MTMR3: variants seen among roughly 807,000 people sequenced by gnomAD.
The protein encoded by MTMR3 is phosphatidylinositol-3,5-bisphosphate 3-phosphatase MTMR3.
In MTMR3, 32 loss-of-function variants were observed where a neutral mutation model predicts 132.4. The ratio of observed to expected loss-of-function variants is 0.24; its 90% CI spans 0.18 to 0.32. MTMR3 has a LOEUF of 0.32. MTMR3 is among the 10% of genes least tolerant of loss of function. MTMR3 has a pLI of 1.00. For synonymous variants in MTMR3, 556 were observed against 550.3 expected (o/e 1.01, Z -0.14); for missense variants, 1,216 against 1,489.6 (o/e 0.82, Z 3.02).
chr22:29,998,109 G>A (rs2145920332), intron 7 of MTMR3: 1 of 152,274 alleles, frequency 6.6e-6, no homozygotes, highest in East Asian at 1.9e-4. Context: ...GCCAGTGTAG[G>A]ACAAGAGCAT....
In MTMR3 at chr22:29,960,183, A is replaced by G. The variant is rs2066282825; in HGVS notation, c.-85+3095A>G. On this transcript the variant is annotated intron_variant, in intron 2 of 19. Coordinates refer to ENST00000401950, the MANE Select transcript of MTMR3 (RefSeq NM_021090.4). ...TATGTGCCCCAGATTAAAGGAGACT[A>G]AAGAGATATAAAAATAGCTTCAATA... Among the ~76,000 whole-genome samples, 2 of 152,216 alleles carry G rather than the reference A, an allele frequency of 1.3e-5. 1 individual carries two copies. The highest frequency in any genetic ancestry group is 4.1e-4 in the South Asian group (2 of 4,828).
chr22:29,946,000 CTTGTGTGTGTGTGTATATAT>C (rs1270801544), intron 1 of MTMR3, among the ~76,000 whole-genome samples: 2 of 129,260 alleles, frequency 1.5e-5, no homozygotes, highest in Non-Finnish European at 3.2e-5. Context: ...AATTGTAAAA[CTTGTGTGTGTGTGTATATAT>C]TTGTGTGTGT....
intron 1 of MTMR3, among the ~76,000 whole-genome samples, chr22:29,911,158 T>TTC (rs2065204269): frequency 6.6e-6 from 1 of 152,146 alleles, no homozygotes; most frequent in African/African-American, 2.4e-5. Flanking sequence ...GAGATAGAGA[T>TTC]GGATCCCATG....
intron 1 of MTMR3, among the ~76,000 whole-genome samples, chr22:29,924,409 C>A (rs916071660): frequency 2.0e-5 from 3 of 152,134 alleles, no homozygotes; most frequent in African/African-American, 7.2e-5. Context: ...CTGCTTTATT[C>A]TGTTGGCCTA....
chr22:29,896,869 T>TCACACACACACACACA (rs61038012), intron 1 of MTMR3, among the ~76,000 whole-genome samples: 1,665 of 138,160 alleles, frequency 0.012, 19 homozygotes, highest in Middle Eastern at 0.025. Context: ...CAGGCTTGTC[T>TCACACACACACACACA]CACACACACA....
intron 15 of MTMR3, chr22:30,017,255 C>T (rs2067617134): frequency 6.5e-6 from 1 of 154,614 alleles, no homozygotes; most frequent in African/African-American, 2.4e-5. Flanking sequence ...AAAGGAGGCA[C>T]ATAGACCTAT....
intron 8 of MTMR3, chr22:30,001,926 C>A (rs2067183869): frequency 6.6e-6 from 1 of 152,116 alleles, no homozygotes; most frequent in Non-Finnish European, 1.5e-5. Flanking sequence ...ACCCCCAAAT[C>A]CTAAGCCATT....
At chr22:30,000,954 A>G (rs2145925052) in intron 8 of MTMR3, 2 of 152,306 alleles carry the variant, frequency 1.3e-5, no homozygotes, top group Middle Eastern at 3.4e-3. Context: ...AAAACTGTGA[A>G]TTAAGACAGA....
Position 30,022,639 on chromosome 22 carries a change from G to T in MTMR3, c.3367G>T (p.Ala1123Ser). 1.2e-6 allele frequency: 2 copies of T among 1,612,754 alleles called. No individual in the cohort carries two copies. The highest frequency in any genetic ancestry group is 1.7e-6 in the Non-Finnish European group (2 of 1,179,998). The change falls in exon 19 of 20, where the codon GCC becomes TCC. Residue 1123 changes from alanine (A) to serine (S), a missense_variant. By Grantham distance (99) the Ala-to-Ser change is moderately conservative. Around this residue, in one of 7 missense-constraint regions of MTMR3, gnomAD observed 852 missense variants for 852.0 expected, o/e 1.00. Transcript: ENST00000401950. ...CCGTTGGCTTCCTGACCACCTGGCCGCCCACTGCTATGCGTGCGACAGTGC... is the reference window on the plus strand; with the variant it reads ...CCGTTGGCTTCCTGACCACCTGGCCTCCCACTGCTATGCGTGCGACAGTGC... ...MTRWLPDHLA[A>S]HCYACDSAFW...
chr22:29,977,082 G>A (rs1255840401), intron 3 of MTMR3, among the ~76,000 whole-genome samples: 3 of 152,062 alleles, frequency 2.0e-5, no homozygotes, highest in Non-Finnish European at 2.9e-5. Flanking sequence ...CTTGAGCCCA[G>A]GAGTTTGAAA....
At chr22:29,893,369 A>ATTTG (rs2064834207) in intron 1 of MTMR3, among the ~76,000 whole-genome samples, 2 of 152,128 alleles carry the variant, frequency 1.3e-5, no homozygotes, top group African/African-American at 4.8e-5. Flanking sequence ...AAGACTGTAT[A>ATTTG]TTTGTATGTA....
chr22:29,919,375 A>G (rs2065367186), intron 1 of MTMR3, among the ~76,000 whole-genome samples: 1 of 152,208 alleles, frequency 6.6e-6, no homozygotes, highest in South Asian at 2.1e-4. Context: ...GTCCAATTTT[A>G]TGTGCATTGA....
chr22:29,906,286 G>GTCTGTCTATCTATCTA (rs2065099481), intron 1 of MTMR3, among the ~76,000 whole-genome samples: 7 of 74,456 alleles, frequency 9.4e-5, no homozygotes, highest in African/African-American at 1.9e-4. Flanking sequence ...CTGTCTGTCT[G>GTCTGTCTATCTATCTA]TCTATCTATC....
chr22:30,000,345 C>T (rs1469027949), intron 8 of MTMR3: 1 of 152,152 alleles, frequency 6.6e-6, no homozygotes, highest in Non-Finnish European at 1.5e-5. Context: ...GCTGTAGTCC[C>T]AGCTACTGGG....
rs937676326 is a variant in MTMR3 at position 30,027,931 on chromosome 22, G to C, written c.*2130G>C. On this transcript the variant is annotated 3_prime_UTR_variant, in exon 20 of 20. Transcript: ENST00000401950. ...CTTCGTCCCTTTTCCCTCTCACACA[G>C]AAGTGTTTGAGGGCCTGCTGGGAAA... 2 of 152,304 alleles carry C rather than the reference G, an allele frequency of 1.3e-5. No homozygotes were observed. The highest frequency in any genetic ancestry group is 2.9e-5 in the Non-Finnish European group (2 of 68,020). The allele number at this position is 152,304 out of a possible 1,614,324, so 9.4% of individuals were successfully genotyped here. A position where few individuals can be genotyped will look rare whatever the true frequency, so the allele number is the denominator to read the frequency against.
intron 15 of MTMR3, chr22:30,017,077 TC>T (rs896188117): frequency 5.6e-6 from 1 of 177,574 alleles, no homozygotes; most frequent in African/African-American, 2.4e-5. Context: ...CCCAGCACCC[TC>T]CCAGTGTCAA....
chr22:29,932,848 C>T (rs1036651457), intron 1 of MTMR3, among the ~76,000 whole-genome samples: 1 of 152,140 alleles, frequency 6.6e-6, no homozygotes. Flanking sequence ...CATTTTGTTT[C>T]ATGTGCTTTA....
At chr22:29,886,355 G>T (rs2064677183) in intron 1 of MTMR3, among the ~76,000 whole-genome samples, 1 of 152,182 alleles carries the variant, frequency 6.6e-6, no homozygotes, top group Admixed American at 6.5e-5. Context: ...CCTAGTTTTT[G>T]AGTCTTAATG....
intron 7 of MTMR3, chr22:29,994,838 C>G (rs993430867): frequency 6.6e-6 from 1 of 152,238 alleles, no homozygotes; most frequent in African/African-American, 2.4e-5. Context: ...GCTTAATCAG[C>G]TTTGGAAGAA....
Sources: gnomAD v4.1 joint callset for allele counts (sites outside exome capture counted in the v4.1 genomes callset) on GRCh38, gnomAD v4.1.1 for gene constraint, gnomAD v4.1.1 regional missense constraint, MANE v1.5 for transcripts, NCBI Gene and HGNC (gene_info 2026-07-23, HGNC 2026-07-21) for gene names.